The following PCDHA10 variants were observed in gnomAD, a reference collection of about 807,000 sequenced individuals.
PCDHA10 encodes the protein protocadherin alpha-10.
In PCDHA10, 45 loss-of-function variants were observed where a neutral mutation model predicts 61.2. The ratio of observed to expected loss-of-function variants is 0.74; its 90% confidence interval spans 0.58 to 0.94. PCDHA10 has a LOEUF of 0.94. PCDHA10 is among the 40% of genes least tolerant of loss of function. The probability of loss-of-function intolerance (pLI) is 0.00; values close to 1 mark genes in which losing one functional copy is unlikely to be tolerated. For synonymous variants in PCDHA10, 602 were observed against 548.8 expected, an observed-to-expected ratio of 1.10 and a Z score of -1.35; for missense variants, 1,278 against 1,236.2, an observed-to-expected ratio of 1.03 and a Z score of -0.51.
intron 1 of PCDHA10, chr5:140,871,116 C>G (rs200344692): frequency 6.2e-7 from 1 of 1,613,264 alleles, no homozygotes; most frequent in East Asian, 2.2e-5. Flanking sequence ...TGGTGGAGAG[C>G]GGACAGGCGC....
At chr5:140,863,431 T>C (rs782746420) in intron 1 of PCDHA10, 12 of 648,614 alleles carry the variant, frequency 1.9e-5, no homozygotes, top group South Asian at 1.5e-4. Context: ...CGTAGTGGGA[T>C]CTGGTCTTAC....
rs782631991 is a variant in PCDHA10, at chr5:140,966,741, G to C, written c.2389-12208G>C. The C allele has an allele frequency of 7.5e-4, 1,063 of 1,421,208 alleles. 1 individual carries two copies. The highest frequency in any genetic ancestry group is 9.1e-4 in the Non-Finnish European group (995 of 1,093,108). The allele number at this position is 1,421,208 out of a possible 1,614,324, so 88.0% of individuals were successfully genotyped here. Reference sequence around the variant, plus strand: ...GAAGCTGCCGCCTCCGGCCCTGCCCGGCTGCCTCCGCCGCGGCCAGTGGCT... The same window carrying C: ...GAAGCTGCCGCCTCCGGCCCTGCCCCGCTGCCTCCGCCGCGGCCAGTGGCT... On this transcript the variant is annotated intron_variant, in intron 1 of 3. Transcript: ENST00000307360.
chr5:140,966,109 C>G (rs373588380), intron 1 of PCDHA10: 47 of 156,394 alleles, frequency 3.0e-4, no homozygotes, highest in African/African-American at 1.1e-3. Context: ...GCCTGGGTGC[C>G]CATACTTAGC....
intron 1 of PCDHA10, chr5:140,927,058 C>T (rs376173105): frequency 1.2e-6 from 2 of 1,611,256 alleles, no homozygotes; most frequent in African/African-American, 1.3e-5. Flanking sequence ...GCGGAACTTT[C>T]GCTTCCTTTC....
chr5:140,988,516 G>A (rs1226381986), intron 3 of PCDHA10, among the ~76,000 whole-genome samples: 1 of 152,156 alleles, frequency 6.6e-6, no homozygotes, highest in African/African-American at 2.4e-5. Flanking sequence ...GCTTACTTAA[G>A]TCTCTGCTGG....
At chr5:140,901,128 A>G (rs1429296842) in intron 1 of PCDHA10, among the ~76,000 whole-genome samples, 3 of 152,114 alleles carry the variant, frequency 2.0e-5, no homozygotes, top group South Asian at 2.1e-4. Flanking sequence ...TTAGATGGGT[A>G]GATTGTAAAT....
chr5:141,007,084 AAG>A lies in PCDHA10; in HGVS notation c.2537-2538_2537-2537del, dbSNP rs576927752. On this transcript the variant is annotated intron_variant, in intron 3 of 3. Transcript: ENST00000307360. ...AGGAGAGAGTGAAGAGAAAATAGAG[AAG>A]AGAGTCTAGGGCCAAACCCAAGGAA... Among the ~76,000 whole-genome samples, 32 of 152,274 alleles carry A rather than the reference AAG, an allele frequency of 2.1e-4. No individual in the cohort carries two copies. The East Asian group carries it at 3.3e-3, about 16-fold the overall frequency.
intron 1 of PCDHA10, chr5:140,866,690 A>G (rs1371582983): frequency 1.3e-5 from 2 of 152,178 alleles, no homozygotes; most frequent in Non-Finnish European, 2.9e-5. Flanking sequence ...CTGTTAGAAT[A>G]TCAGTGGATG....
intron 1 of PCDHA10, among the ~76,000 whole-genome samples, chr5:140,948,351 A>C (rs951541212): frequency 6.6e-6 from 1 of 151,646 alleles, no homozygotes; most frequent in African/African-American, 2.4e-5. Flanking sequence ...TTCTAACCTA[A>C]TAAAATGACT....
rs745800805 is a variant in PCDHA10, at chr5:140,935,890, T to C, written c.2389-43059T>C. 2.5e-4 allele frequency among the ~76,000 whole-genome samples: 34 copies of C among 135,750 alleles called. 1 individual carries two copies. Among genetic ancestry groups the C allele is most frequent in the Non-Finnish European group, 4.4e-4 (27 of 61,954 alleles). 89.1% of individuals were successfully genotyped at this position (135,750 alleles called of 152,430 possible). A position where few individuals can be genotyped will look rare whatever the true frequency, so the allele number is the denominator to read the frequency against. On this transcript the variant is annotated intron_variant, in intron 1 of 3. Coordinates refer to ENST00000307360, the MANE Select transcript of PCDHA10 (RefSeq NM_018901.4). ...ATTAATGAGCTCCAATTTATCAATA[T>C]TATCTTTTTTTTTTTTTTTTGAGAC...
chr5:140,861,587 G>C, intron 1 of PCDHA10: 1 of 374,992 alleles, frequency 2.7e-6, no homozygotes, highest in South Asian at 2.4e-5. Flanking sequence ...TCCATGTGGA[G>C]GTGAAAGTGA....
At chr5:140,971,845 G>C (rs370364575) in intron 1 of PCDHA10, among the ~76,000 whole-genome samples, 1 of 151,934 alleles carries the variant, frequency 6.6e-6, no homozygotes, top group Non-Finnish European at 1.5e-5. Flanking sequence ...CAAGTCATGC[G>C]TTAAATATTT....
At chr5:140,981,666 C>CT (rs1430989347) in intron 2 of PCDHA10, among the ~76,000 whole-genome samples, 8 of 152,058 alleles carry the variant, frequency 5.3e-5, no homozygotes, top group Non-Finnish European at 1.0e-4. Flanking sequence ...TTCTTCCTTC[C>CT]TTTCTTCCTT....
intron 3 of PCDHA10, among the ~76,000 whole-genome samples, chr5:141,000,764 A>G (rs1371396511): frequency 2.0e-5 from 3 of 151,808 alleles, no homozygotes; most frequent in Non-Finnish European, 4.4e-5. Context: ...AATCTTAGCC[A>G]GGCATAGTGG....
chr5:140,943,305 CATT>C (rs1322564942), intron 1 of PCDHA10, among the ~76,000 whole-genome samples: 13 of 146,998 alleles, frequency 8.8e-5, no homozygotes, highest in African/African-American at 3.0e-4. Flanking sequence ...TTTGGGAAGT[CATT>C]ATTAGCAATA....
At chr5:140,926,529 A>T in intron 1 of PCDHA10, 1 of 209,686 alleles carries the variant, frequency 4.8e-6, no homozygotes, top group Admixed American at 5.9e-5. Context: ...CTGCGCCCGC[A>T]GCCAGCGTGG....
chr5:140,940,988 T>G (rs2092713422), intron 1 of PCDHA10, among the ~76,000 whole-genome samples: 1 of 152,206 alleles, frequency 6.6e-6, no homozygotes, highest in African/African-American at 2.4e-5. Flanking sequence ...AGTTACAAGT[T>G]TATAGGATTA....
At position 140,858,644 on chromosome 5, in the gene PCDHA10, C is replaced by T. The variant is rs1581517400; in HGVS notation, c.2388+208C>T. ...CCAGTGTGTCAGCCTTTGATTGGTACTTAAATTTTTTTAAATAACAATTTA... is the reference window on the plus strand; with the variant it reads ...CCAGTGTGTCAGCCTTTGATTGGTATTTAAATTTTTTTAAATAACAATTTA... On this transcript the variant is annotated intron_variant, in intron 1 of 3. Coordinates refer to ENST00000307360, the MANE Select transcript of PCDHA10 (RefSeq NM_018901.4). 16 of 921,026 alleles carry T rather than the reference C, an allele frequency of 1.7e-5. 1 individual carries two copies. Among genetic ancestry groups the T allele is most frequent in the African/African-American group, 1.2e-4 (7 of 59,878 alleles). 57.1% of individuals were successfully genotyped at this position (921,026 alleles called of 1,614,324 possible).
intron 1 of PCDHA10, among the ~76,000 whole-genome samples, chr5:140,977,512 G>GAAACTTGA: frequency 3.9e-5 from 6 of 152,278 alleles, no homozygotes; most frequent in Admixed American, 3.9e-4. Context: ...AGCATTTTGT[G>GAAACTTGA]AACTTGAAAA....
Sources: gnomAD v4.1 joint callset for allele counts (sites outside exome capture counted in the v4.1 genomes callset) on GRCh38, gnomAD v4.1.1 for gene constraint, MANE v1.5 for transcripts, NCBI Gene and HGNC (gene_info 2026-07-23, HGNC 2026-07-21) for gene names.